MTBP: variants seen among roughly 807,000 people sequenced by gnomAD.
MTBP encodes mdm2-binding protein.
Under a neutral mutation model 117.0 loss-of-function variants are expected in MTBP, and 101 were observed. The ratio of observed to expected loss-of-function variants is 0.86; its 90% CI spans 0.73 to 1.02. The LOEUF is 1.02. MTBP is among the 50% of genes least tolerant of loss of function. The pLI, the probability that MTBP is intolerant of heterozygous loss-of-function variation, is 0.00. For synonymous variants in MTBP, 350 were observed against 351.5 expected, an observed-to-expected ratio of 1.00 and a Z score of 0.05; for missense variants, 970 against 1,030.9, an observed-to-expected ratio of 0.94 and a Z score of 0.81.
chr8:120,469,236 A>G (rs1368456581), intron 10 of MTBP, among the ~76,000 whole-genome samples: 1 of 151,968 alleles, frequency 6.6e-6, no homozygotes, highest in African/African-American at 2.4e-5. Flanking sequence ...AGTAGAGACA[A>G]GGTTACACCA....
Position 120,502,525 on chromosome 8 carries a change from T to G in MTBP, c.1643T>G (p.Leu548Arg). The G allele has an allele frequency of 6.2e-7, 1 of 1,607,058 alleles. No individual in the cohort carries two copies. The change falls in exon 15 of 22, where the codon CTA (leucine) becomes CGA (arginine). Residue 548 changes from leucine to arginine, a missense_variant. By Grantham distance (102) the Leu-to-Arg change is moderately radical. Transcript: ENST00000305949. ...FSPVEPNSSSLMETNPLEWPE... is the reference protein window; with the variant it reads ...FSPVEPNSSSRMETNPLEWPE... ...CCAGTGGAACCTAATTCCTCAAGTC[T>G]AATGGAAACCAATCCTCTGGAATGG...
Position 120,490,503 on chromosome 8 carries a change from G to A in MTBP, c.1380G>A (p.Gly460=). 6.2e-7 allele frequency: 1 copy of A among 1,607,308 alleles called. No homozygotes were observed. The highest frequency in any genetic ancestry group is 8.5e-7 in the Non-Finnish European group (1 of 1,178,210). ...FDLLSLPHFS[G]EQIVQREKQL... The stretch of plus-strand genomic sequence containing the variant: ...TATTATCACTTCCACATTTTTCTGG[G>A]GAGCAGATTGTACAGAGAGAGAAAC... The change falls in exon 13 of 22, where the codon GGG becomes GGA. Residue 460 remains glycine (G), a synonymous_variant. Coordinates refer to ENST00000305949, the MANE Select transcript of MTBP (RefSeq NM_022045.5).
At position 120,460,506 on chromosome 8, in the gene MTBP, G is replaced by A. The variant is rs150668248; in HGVS notation, c.883-655G>A. 1.4e-3 allele frequency among the ~76,000 whole-genome samples: 213 copies of A among 152,082 alleles called. 3 individuals carry two copies. In the East Asian group the frequency reaches 0.039, roughly 28 times the overall value. ...CTTCAAGAAGTGTGCTCTTTTCTTTGCCTTTCATGTGAAGCACCGTGGCTC... is the reference window on the plus strand; with the variant it reads ...CTTCAAGAAGTGTGCTCTTTTCTTTACCTTTCATGTGAAGCACCGTGGCTC... On this transcript the variant is annotated intron_variant, in intron 8 of 21. Transcript: ENST00000305949.
chr8:120,453,829 C>G lies in MTBP; in HGVS notation c.426-18C>G, dbSNP rs572532943. 1 of 1,452,684 alleles carries G rather than the reference C, an allele frequency of 6.9e-7. No homozygotes were observed. Among genetic ancestry groups the G allele is most frequent in the East Asian group, 2.4e-5 (1 of 42,152 alleles). The allele number at this position is 1,452,684 out of a possible 1,614,324, so 90.0% of individuals were successfully genotyped here. ...TATTTATGGGGTTTTCTTTCCCTAA[C>G]TTACCCTTTTATTTTAGTCTCTATG... On this transcript the variant is annotated intron_variant, in intron 4 of 21. Transcript: ENST00000305949.
At chr8:120,458,126 A>G (rs1456629170) in intron 7 of MTBP, among the ~76,000 whole-genome samples, 1 of 152,144 alleles carries the variant, frequency 6.6e-6, no homozygotes. Flanking sequence ...AAATGTTCGT[A>G]TCTCCACTGG....
At chr8:120,508,894 G>A (rs534913959) in intron 16 of MTBP, among the ~76,000 whole-genome samples, 3 of 152,200 alleles carry the variant, frequency 2.0e-5, no homozygotes, top group South Asian at 2.1e-4. Context: ...GGCACCTATC[G>A]GAATAATCCA....
intron 17 of MTBP, 53 bp downstream of exon 17, chr8:120,510,082 TTG>T: frequency 8.2e-7 from 1 of 1,223,308 alleles, no homozygotes; most frequent in Non-Finnish European, 1.2e-6. Context: ...ACAGCCTGTC[TTG>T]TGTGAAGAGT....
chr8:120,448,545 C>T lies in MTBP; in HGVS notation c.199+2032C>T, dbSNP rs112877679. On this transcript the variant is annotated intron_variant, in intron 2 of 21. Transcript: ENST00000305949. ...ACATCCTTTGCTACCTGTGTGTGAA[C>T]TGAATGGCACTTGCACAGTGACCAA... Among the ~76,000 whole-genome samples the T allele has an allele frequency of 8.5e-4, 129 of 152,296 alleles. 1 individual carries two copies. In the Middle Eastern group the frequency reaches 0.01, roughly 12 times the overall value.
chr8:120,520,056 C>T (rs976292155), intron 20 of MTBP, among the ~76,000 whole-genome samples: 3 of 152,108 alleles, frequency 2.0e-5, no homozygotes, highest in African/African-American at 7.2e-5. Context: ...AGTTTCCAGT[C>T]AGATTTTTAG....
chr8:120,467,007 A>C (rs75201989), intron 10 of MTBP, among the ~76,000 whole-genome samples: 1 of 152,178 alleles, frequency 6.6e-6, no homozygotes. Flanking sequence ...GCCCTTTCTC[A>C]AGAAACTTTC....
At position 120,502,624 on chromosome 8, in the gene MTBP, T is replaced by C; in HGVS notation, c.1727+15T>C. ...CAAAAAATGAGGTAATATTTGAATC[T>C]GTAGTAAAGCATGTGATAGCTCAGT... On this transcript the variant is annotated intron_variant, in intron 15 of 21. Coordinates refer to ENST00000305949, the MANE Select transcript of MTBP (RefSeq NM_022045.5). 1 of 1,472,666 alleles carries C rather than the reference T, an allele frequency of 6.8e-7. No homozygotes were observed. The highest frequency in any genetic ancestry group is 9.4e-7 in the Non-Finnish European group (1 of 1,067,552). 91.2% of individuals were successfully genotyped at this position (1,472,666 alleles called of 1,614,324 possible).
At chr8:120,492,551 C>T (rs1727338432) in intron 13 of MTBP, among the ~76,000 whole-genome samples, 1 of 151,974 alleles carries the variant, frequency 6.6e-6, no homozygotes, top group Admixed American at 6.6e-5. Context: ...ATAGTGTTTA[C>T]AGAAAAACAA....
At chr8:120,463,278 A>G (rs1050006445) in intron 9 of MTBP, among the ~76,000 whole-genome samples, 3 of 152,206 alleles carry the variant, frequency 2.0e-5, no homozygotes, top group Non-Finnish European at 4.4e-5. Flanking sequence ...TGTATCTGCA[A>G]ATATATTCAA....
chr8:120,486,513 T>C (rs1472013236), intron 11 of MTBP, among the ~76,000 whole-genome samples: 1 of 152,176 alleles, frequency 6.6e-6, no homozygotes, highest in Non-Finnish European at 1.5e-5. Flanking sequence ...CTCTGCCTTA[T>C]GAGTAGGGGC....
At position 120,451,487 on chromosome 8, in the gene MTBP, T is replaced by G. The variant is rs1813345009; in HGVS notation, c.425+165T>G. On this transcript the variant is annotated intron_variant, in intron 4 of 21. Coordinates refer to ENST00000305949, the MANE Select transcript of MTBP (RefSeq NM_022045.5). ...GGGCCTTTTATTTGAATAAAATTCTTTAAAATGCATGTTTCTTAAGCTTAC... is the reference window on the plus strand; with the variant it reads ...GGGCCTTTTATTTGAATAAAATTCTGTAAAATGCATGTTTCTTAAGCTTAC... The G allele has an allele frequency of 7.4e-6, 4 of 543,616 alleles. No homozygotes were observed. In the Admixed American group the frequency reaches 1.0e-4, roughly 14 times the overall value. 33.7% of individuals were successfully genotyped at this position (543,616 alleles called of 1,614,324 possible).
chr8:120,490,463 G>A lies in MTBP; in HGVS notation c.1340G>A (p.Ser447Asn), dbSNP rs1311872405. 1 of 1,584,142 alleles carries A rather than the reference G, an allele frequency of 6.3e-7. No individual in the cohort carries two copies. Among genetic ancestry groups the A allele is most frequent in the African/African-American group, 1.4e-5 (1 of 73,394 alleles). Residue 447 changes from serine (S) to asparagine (N), a missense_variant and splice_region_variant, in exon 13 of 22, where the codon AGT (serine) becomes AAT (asparagine). Coordinates refer to ENST00000305949, the MANE Select transcript of MTBP (RefSeq NM_022045.5). The stretch of plus-strand genomic sequence containing the variant: ...ACCTTTTTTTTTTCTTATTTCTCAG[G>A]TTTTCCTTTTGACTTATTATCACTT... Reference protein sequence around the residue: ...MKTKTEEAKLSFPFDLLSLPH... With the variant: ...MKTKTEEAKLNFPFDLLSLPH...
intron 10 of MTBP, among the ~76,000 whole-genome samples, chr8:120,465,029 G>A (rs1813658607): frequency 6.6e-6 from 1 of 152,096 alleles, no homozygotes; most frequent in Admixed American, 6.6e-5. Flanking sequence ...TTTAGATAGA[G>A]ATTAATAAGG....
chr8:120,513,190 A>G (rs1814848241), intron 17 of MTBP, among the ~76,000 whole-genome samples: 2 of 152,086 alleles, frequency 1.3e-5, no homozygotes, highest in African/African-American at 4.8e-5. Flanking sequence ...TGATCACACC[A>G]GGCTCTCATT....
intron 10 of MTBP, among the ~76,000 whole-genome samples, 171 bp downstream of exon 10, chr8:120,463,932 T>C (rs1254967450): frequency 6.6e-6 from 1 of 152,132 alleles, no homozygotes; most frequent in Admixed American, 6.5e-5. Context: ...CTTTGGACTT[T>C]TCATAATAAC....
Sources: gnomAD v4.1 joint callset for allele counts (sites outside exome capture counted in the v4.1 genomes callset) on GRCh38, gnomAD v4.1.1 for gene constraint, MANE v1.5 for transcripts, NCBI Gene and HGNC (gene_info 2026-07-23, HGNC 2026-07-21) for gene names.